The following PLAAT3 variants were observed in gnomAD, a reference collection of about 807,000 sequenced individuals.
PLAAT3 encodes Ca-independent phospholipase A1/2.
Under a neutral mutation model 16.7 loss-of-function variants are expected in PLAAT3, and 21 were observed. That is an observed-to-expected ratio of 1.26 (90% CI 0.89 to 1.81). The LOEUF is 1.81. PLAAT3 is among the 40% of genes most tolerant of loss of function. The pLI is 0.00. For synonymous variants in PLAAT3, 76 were observed against 81.7 expected (o/e 0.93, Z 0.38); for missense variants, 219 against 213.7 (o/e 1.02, Z -0.16).
At position 63,606,459 on chromosome 11, in the gene PLAAT3, CACA is replaced by C. The variant is rs1565256549; in HGVS notation, c.15+7538_15+7540del. On this transcript the variant is annotated intron_variant, in intron 2 of 4. Coordinates refer to ENST00000415826, the MANE Select transcript of PLAAT3 (RefSeq NM_001128203.2). ...ACACACACACACACACACACACACACACACCTTAGTAAATAAGTAAATAATCTA... is the reference window on the plus strand; with the variant it reads ...ACACACACACACACACACACACACACCCTTAGTAAATAAGTAAATAATCTA... Among the ~76,000 whole-genome samples, 1,321 of 151,814 alleles carry C rather than the reference CACA, an allele frequency of 8.7e-3. 18 individuals carry two copies. The highest frequency in any genetic ancestry group is 0.029 in the African/African-American group (1,214 of 41,298).
upstream of PLAAT3, among the ~76,000 whole-genome samples, chr11:63,616,068 T>C (rs1938865694): frequency 1.3e-5 from 2 of 152,170 alleles, no homozygotes; most frequent in Admixed American, 6.5e-5. Flanking sequence ...TCGAGCTAAT[T>C]AACATATGCA....
intron 4 of PLAAT3, among the ~76,000 whole-genome samples, chr11:63,577,391 C>T (rs1399308845): frequency 6.6e-6 from 1 of 152,112 alleles, no homozygotes; most frequent in African/African-American, 2.4e-5. Context: ...AGGCTGCTCT[C>T]GAACTCCTGA....
At chr11:63,590,908 G>C (rs558798414) in intron 3 of PLAAT3, among the ~76,000 whole-genome samples, 3 of 152,202 alleles carry the variant, frequency 2.0e-5, no homozygotes, top group Non-Finnish European at 4.4e-5. Flanking sequence ...AAGGCCCAGG[G>C]CAAGGAAGGG....
intron 4 of PLAAT3, among the ~76,000 whole-genome samples, chr11:63,576,651 TG>T (rs963542876): frequency 1.6e-4 from 24 of 152,302 alleles, no homozygotes; most frequent in African/African-American, 5.3e-4. Flanking sequence ...CATAATTAAG[TG>T]ATCTCAACAA....
intron 2 of PLAAT3, among the ~76,000 whole-genome samples, chr11:63,599,018 C>A (rs570439279): frequency 6.6e-6 from 1 of 152,132 alleles, no homozygotes; most frequent in South Asian, 2.1e-4. Context: ...GGTTCAAGAT[C>A]CCATCCATTC....
upstream of PLAAT3, among the ~76,000 whole-genome samples, chr11:63,615,044 A>ATATATATATATATATATG (rs1555047784): frequency 4.9e-5 from 1 of 20,578 alleles, no homozygotes; most frequent in Non-Finnish European, 2.7e-4. Context: ...ATATATATGT[A>ATATATATATATATATATG]TATATATGTG....
intron 3 of PLAAT3, among the ~76,000 whole-genome samples, chr11:63,597,717 C>T (rs1201578079): frequency 6.6e-6 from 1 of 152,058 alleles, no homozygotes. Context: ...GGAGCTCAGG[C>T]GGTAATACAA....
At position 63,601,444 on chromosome 11, in the gene PLAAT3, G is replaced by A. The variant is rs755306962; in HGVS notation, c.16-3281C>T. On this transcript the variant is annotated intron_variant, in intron 2 of 4. Transcript: ENST00000415826. ...GCCAATCTGCCTATTCTTTGTAAGG[G>A]CAAGAGATACATATTCCCAAGCTCA... is the stretch of plus-strand genomic sequence containing the variant. Among the ~76,000 whole-genome samples, 45 of 150,968 alleles carry A rather than the reference G, an allele frequency of 3.0e-4. 1 individual carries two copies. The highest frequency in any genetic ancestry group is 1.5e-5 in the Non-Finnish European group (1 of 67,882).
At chr11:63,597,528 A>C (rs1938320981) in intron 3 of PLAAT3, among the ~76,000 whole-genome samples, 2 of 152,274 alleles carry the variant, frequency 1.3e-5, no homozygotes, top group East Asian at 1.9e-4. Flanking sequence ...TCTGTCTCAA[A>C]AAAAACAAAA....
At chr11:63,616,552 CG>C (rs1938878128), upstream of PLAAT3, 1 of 151,976 alleles carries the variant, frequency 6.6e-6, no homozygotes, top group South Asian at 2.1e-4. Context: ...CGTGAGCTAC[CG>C]GGCCCCGCTC....
intron 2 of PLAAT3, among the ~76,000 whole-genome samples, chr11:63,612,033 G>C (rs901021220): frequency 1.3e-5 from 2 of 152,228 alleles, no homozygotes; most frequent in Non-Finnish European, 2.9e-5. Context: ...AGCTACTTGG[G>C]AGGCTGAAGC....
At chr11:63,584,100 C>T (rs1937897069) in intron 4 of PLAAT3, among the ~76,000 whole-genome samples, 1 of 152,026 alleles carries the variant, frequency 6.6e-6, no homozygotes, top group African/African-American at 2.4e-5. Context: ...AATAATAAAT[C>T]ATTTAAAAAG....
At chr11:63,594,541 C>A (rs1050259730) in intron 3 of PLAAT3, among the ~76,000 whole-genome samples, 1 of 151,956 alleles carries the variant, frequency 6.6e-6, no homozygotes, top group African/African-American at 2.4e-5. Flanking sequence ...GAAGCTTTTC[C>A]CTACCCTTGA....
At chr11:63,596,023 C>T (rs1039578778) in intron 3 of PLAAT3, among the ~76,000 whole-genome samples, 10 of 151,902 alleles carry the variant, frequency 6.6e-5, no homozygotes, top group East Asian at 3.9e-4. Context: ...AGGCGGATCA[C>T]GAGGTCAGGA....
At chr11:63,592,383 T>C (rs1938174873) in intron 3 of PLAAT3, among the ~76,000 whole-genome samples, 1 of 99,236 alleles carries the variant, frequency 1.0e-5, no homozygotes, top group Non-Finnish European at 2.6e-5. Flanking sequence ...GCCAGGCTGG[T>C]CTCGAACTCA....
chr11:63,616,264 C>T (rs960165732), upstream of PLAAT3: 1 of 151,998 alleles, frequency 6.6e-6, no homozygotes, highest in African/African-American at 2.4e-5. Flanking sequence ...CCCTGTTCCC[C>T]CCAACCGCCG....
intron 2 of PLAAT3, among the ~76,000 whole-genome samples, chr11:63,605,249 T>A (rs1938526524): frequency 6.6e-6 from 1 of 151,684 alleles, no homozygotes; most frequent in African/African-American, 2.4e-5. Context: ...ACAAAAAAAA[T>A]GAGCTGGGCA....
intron 4 of PLAAT3, among the ~76,000 whole-genome samples, chr11:63,588,051 T>C (rs1938029257): frequency 6.6e-6 from 1 of 151,982 alleles, no homozygotes; most frequent in Admixed American, 6.6e-5. Flanking sequence ...TCATCTCTAT[T>C]AAAATAAAAA....
Position 63,590,095 on chromosome 11 carries a change from C to T in PLAAT3, c.387+5G>A, listed in dbSNP as rs374317917. 1.4e-4 allele frequency: 222 copies of T among 1,611,150 alleles called. No homozygotes were observed. The highest frequency in any genetic ancestry group is 1.6e-4 in the Non-Finnish European group (194 of 1,178,088). ...TGGGGAAGGCGACACAGGCAGAGGACGCACCTGGTCACTGCGGGCGACTCC... is the reference window on the plus strand; with the variant it reads ...TGGGGAAGGCGACACAGGCAGAGGATGCACCTGGTCACTGCGGGCGACTCC... On this transcript the variant is annotated splice_donor_5th_base_variant and intron_variant, in intron 4 of 4. Transcript: ENST00000415826.
Sources: allele counts gnomAD v4.1 joint callset (sites outside exome capture counted in the v4.1 genomes callset), GRCh38; gene constraint gnomAD v4.1.1; transcripts MANE v1.5; gene names NCBI Gene and HGNC (gene_info 2026-07-23, HGNC 2026-07-21).